MED23: variants seen among roughly 807,000 people sequenced by gnomAD.
The protein encoded by MED23 is mediator complex subunit 23, also known as mediator of RNA polymerase II transcription subunit 23.
In MED23, 105 loss-of-function variants were observed where a neutral mutation model predicts 163.9. The observed-to-expected ratio is 0.64, with a 90% CI of 0.55 to 0.75. The LOEUF is 0.75. Among genes scored for constraint, MED23 ranks in the 30% least tolerant of loss-of-function variants. The probability of loss-of-function intolerance (pLI) is 0.00; values close to 1 mark genes in which losing one functional copy is unlikely to be tolerated. For synonymous variants in MED23, 561 were observed against 565.6 expected (o/e 0.99, Z 0.12); for missense variants, 1,054 against 1,649.0 (o/e 0.64, Z 6.25).
chr6:131,608,107 C>T, intron 11 of MED23, 36 bp from the exon 12 acceptor site: 1 of 1,609,962 alleles, frequency 6.2e-7, no homozygotes, highest in Non-Finnish European at 8.5e-7. Flanking sequence ...GTATACACTG[C>T]TACTTAAAGA....
chr6:131,579,195 C>A, intron 30 of MED23: 1 of 1,614,080 alleles, frequency 6.2e-7, no homozygotes, highest in African/African-American at 1.3e-5. Flanking sequence ...AATCCAAGGT[C>A]TGTGGGAAAA....
intron 17 of MED23, among the ~76,000 whole-genome samples, chr6:131,600,855 T>C (rs1465829638): frequency 6.6e-6 from 1 of 152,140 alleles, no homozygotes; most frequent in African/African-American, 2.4e-5. Flanking sequence ...TGAAAAGGCT[T>C]TGTATTCTCC....
At chr6:131,579,402 A>C in intron 30 of MED23, 1 of 1,258,354 alleles carries the variant, frequency 7.9e-7, no homozygotes, top group Non-Finnish European at 1.1e-6. Flanking sequence ...TTTTATATCA[A>C]ATTTTCTGCC....
rs1774249770 is a variant in MED23 at position 131,587,423 on chromosome 6, C to T, written c.*256G>A. The T allele has an allele frequency of 7.7e-7, 1 of 1,305,956 alleles. No individual in the cohort carries two copies. The highest frequency in any genetic ancestry group is 9.8e-7 in the Non-Finnish European group (1 of 1,022,428). The allele number at this position is 1,305,956 out of a possible 1,614,324, so 80.9% of individuals were successfully genotyped here. ...ATTTGATCACAGATACCTCTATGTT[C>T]CTACATAGCTCTAATAAGTTGTTAT... is the stretch of plus-strand genomic sequence containing the variant. On this transcript the variant is annotated 3_prime_UTR_variant, in exon 29 of 29. Coordinates refer to ENST00000368068, the MANE Select transcript of MED23 (RefSeq NM_004830.4).
intron 10 of MED23, chr6:131,615,621 G>C: frequency 3.7e-6 from 2 of 538,892 alleles, no homozygotes; most frequent in South Asian, 4.3e-5. Context: ...TTATGGTTGA[G>C]TCATGTGTAG....
chr6:131,577,363 A>T (rs1288507837), intron 30 of MED23, among the ~76,000 whole-genome samples: 1 of 152,184 alleles, frequency 6.6e-6, no homozygotes. Flanking sequence ...AGGTAAACAT[A>T]TATTTACATT....
intron 11 of MED23, 102 bp from the exon 12 acceptor site, chr6:131,608,173 G>A (rs562250782): frequency 8.1e-7 from 1 of 1,235,218 alleles, no homozygotes; most frequent in African/African-American, 1.6e-5. Flanking sequence ...GGAGAAACCT[G>A]GTTCTTGCTC....
intron 4 of MED23, 66 bp downstream of exon 4, chr6:131,624,799 T>A: frequency 6.4e-7 from 1 of 1,569,552 alleles, no homozygotes; most frequent in Non-Finnish European, 8.7e-7. Context: ...AACAACAACC[T>A]CAACCAATTT....
At position 131,587,729 on chromosome 6, in the gene MED23, G is replaced by A. The variant is rs751821643; in HGVS notation, c.4057C>T (p.Pro1353Ser). The change falls in exon 29 of 29, where the codon CCA becomes TCA. Residue 1353 changes from proline (P) to serine (S), a missense_variant. Pro to Ser is a moderately conservative substitution (Grantham distance 74, BLOSUM62 -1). Around this residue, in one of 11 missense-constraint regions of MED23, gnomAD observed 362 missense variants for 471.6 expected, o/e 0.77. Transcript: ENST00000368068. ...GGCACCTGATTAGACTGAGGTGCTGGAGACCCACTGTTCATGGCTTGTGGA... is the reference window on the plus strand; with the variant it reads ...GGCACCTGATTAGACTGAGGTGCTGAAGACCCACTGTTCATGGCTTGTGGA... ...VPPQAMNSGSPAPQSNQVPVS... is the reference protein window; with the variant it reads ...VPPQAMNSGSSAPQSNQVPVS... 3 of 1,614,142 alleles carry A rather than the reference G, an allele frequency of 1.9e-6. No homozygotes were observed. The highest frequency in any genetic ancestry group is 2.5e-6 in the Non-Finnish European group (3 of 1,180,024).
At chr6:131,621,138 A>C (rs1777069290) in intron 6 of MED23, among the ~76,000 whole-genome samples, 2 of 152,190 alleles carry the variant, frequency 1.3e-5, no homozygotes, top group South Asian at 4.1e-4. Flanking sequence ...GACAATGACA[A>C]CAAAAAAGAC....
In MED23 at chr6:131,587,610, G is replaced by T. The variant is rs890669785; in HGVS notation, c.*69C>A. 6.8e-6 allele frequency: 11 copies of T among 1,610,034 alleles called. No homozygotes were observed. The African/African-American group carries it at 1.5e-4, about 22-fold the overall frequency. ...TATCACTACAGTGTGATCGCATTCA[G>T]ATTTAAAAGGTTTGAGTCCACTCTC... On this transcript the variant is annotated 3_prime_UTR_variant, in exon 29 of 29. Transcript: ENST00000368068.
rs549170320 is a variant in MED23, at chr6:131,605,027, T to G, written c.1613+213A>C. On this transcript the variant is annotated intron_variant, in intron 14 of 28. Transcript: ENST00000368068. ...AAATTTTTATAATGCTTATCTCTCA[T>G]GTAGAGATTACAACAATTACTTTCT... 8.5e-4 allele frequency among the ~76,000 whole-genome samples: 129 copies of G among 152,334 alleles called. 2 individuals are homozygous for G. In the South Asian group the frequency reaches 0.014, roughly 16 times the overall value.
At chr6:131,607,800 C>T (rs1775969928) in intron 12 of MED23, 128 bp downstream of exon 12, 4 of 1,038,516 alleles carry the variant, frequency 3.9e-6, no homozygotes, top group Non-Finnish European at 5.7e-6. Context: ...GAGCTTGCTA[C>T]ACTTAACATT....
rs146499688 is a variant in MED23, at chr6:131,613,672, C to T, written c.876+2235G>A. ...TAAAAGTTTTCTATGAAAACGATTA[C>T]TGATGAATTGTGAATTTTTGACAAT... On this transcript the variant is annotated intron_variant, in intron 10 of 28. Coordinates refer to ENST00000368068, the MANE Select transcript of MED23 (RefSeq NM_004830.4). Among the ~76,000 whole-genome samples, 510 of 152,202 alleles carry T rather than the reference C, an allele frequency of 3.4e-3. 2 individuals carry two copies. The highest frequency in any genetic ancestry group is 5.6e-3 in the Admixed American group (85 of 15,282).
intron 6 of MED23, among the ~76,000 whole-genome samples, chr6:131,621,498 T>C (rs1269335647): frequency 6.6e-6 from 1 of 152,176 alleles, no homozygotes; most frequent in Non-Finnish European, 1.5e-5. Context: ...TGGAATGGAT[T>C]GTTCATGGTT....
intron 3 of MED23, among the ~76,000 whole-genome samples, 196 bp from the exon 4 acceptor site, chr6:131,625,185 T>C (rs1364493317): frequency 1.3e-5 from 2 of 152,240 alleles, no homozygotes; most frequent in African/African-American, 4.8e-5. Flanking sequence ...GCTTAACATT[T>C]TGTAATTACA....
rs771604870 is a variant in MED23, at chr6:131,598,563, CA to C, written c.2418del (p.Ile806MetfsTer6). The C allele has an allele frequency of 5.0e-6, 8 of 1,613,884 alleles. No individual in the cohort carries two copies. Among genetic ancestry groups the C allele is most frequent in the Non-Finnish European group, 6.8e-6 (8 of 1,179,996 alleles). ...MLLETDHINQ[I>X]GYRVLERIGA... Reference sequence around the variant, plus strand: ...ATTAGGTTTTTGACTTACCTATAGCCAATCTGATTAATATGATCTGTTTCCA... The same window carrying C: ...ATTAGGTTTTTGACTTACCTATAGCCATCTGATTAATATGATCTGTTTCCA... On this transcript the variant is annotated frameshift_variant, in exon 19 of 29. Transcript: ENST00000368068. LOFTEE classifies it high-confidence loss of function. The surrounding 1 kb of genome is among the most constrained non-coding windows in gnomAD (Gnocchi z 4.7).
chr6:131,576,740 T>TAAA, intron 30 of MED23: 1 of 1,612,218 alleles, frequency 6.2e-7, no homozygotes, highest in South Asian at 1.1e-5. Context: ...AACAAGGTAA[T>TAAA]TTTTAAGTTG....
At chr6:131,589,798 CCT>C (rs1228523826) in intron 27 of MED23, among the ~76,000 whole-genome samples, 1 of 152,034 alleles carries the variant, frequency 6.6e-6, no homozygotes, top group Non-Finnish European at 1.5e-5. Flanking sequence ...ACAAAATGCC[CCT>C]GACAAGGCTT....
Sources: gnomAD v4.1 joint callset for allele counts (sites outside exome capture counted in the v4.1 genomes callset) on GRCh38, gnomAD v4.1.1 for gene constraint, gnomAD v4.1.1 regional missense constraint, Gnocchi (gnomAD v3.1) non-coding constraint, MANE v1.5 for transcripts, NCBI Gene and HGNC (gene_info 2026-07-23, HGNC 2026-07-21) for gene names.